Variants in PARS2 observed in about 807,000 individuals in gnomAD.
PARS2 encodes prolyl-tRNA synthetase 2, mitochondrial.
A neutral mutation model predicts 27.4 loss-of-function variants in PARS2; 20 were observed. That is an observed-to-expected ratio of 0.73 (90% CI 0.51 to 1.06). PARS2 has a LOEUF of 1.06. PARS2 is among the 50% of genes least tolerant of loss of function. The pLI is 0.00. For synonymous variants in PARS2, 240 were observed against 247.1 expected, an observed-to-expected ratio of 0.97 and a Z score of 0.27; for missense variants, 585 against 602.1, an observed-to-expected ratio of 0.97 and a Z score of 0.30.
Position 54,759,188 on chromosome 1 carries a change from C to T in PARS2, c.-27G>A, listed in dbSNP as rs370804706. The T allele has an allele frequency of 8.9e-5, 136 of 1,530,534 alleles. No homozygotes were observed. In the African/African-American group the frequency reaches 1.5e-3, roughly 17 times the overall value. 94.8% of individuals were successfully genotyped at this position (1,530,534 alleles called of 1,614,324 possible). A position where few individuals can be genotyped will look rare whatever the true frequency, so the allele number is the denominator to read the frequency against. On this transcript the variant is annotated splice_region_variant and 5_prime_UTR_variant, in exon 2 of 2. Transcript: ENST00000371279. ...ACACCCTGGCACCGGGAAGCACAGGCACCTGAGGAAAAATGAGTTGTGTGA... is the reference window on the plus strand; with the variant it reads ...ACACCCTGGCACCGGGAAGCACAGGTACCTGAGGAAAAATGAGTTGTGTGA...
rs777068604 is a variant in PARS2, at chr1:54,758,764, C to T, written c.398G>A (p.Arg133Gln). 1.7e-5 allele frequency: 28 copies of T among 1,614,180 alleles called. No individual in the cohort carries two copies. The highest frequency in any genetic ancestry group is 5.0e-5 in the Admixed American group (3 of 60,014). ...CAGCTCTTTGCCCATCAAGTCCCAC[C>T]GGTTGGTGGCTTGCCAGAGCTCTGC... is the stretch of plus-strand genomic sequence containing the variant. ...SPAELWQATN[R>Q]WDLMGKELLR... The change falls in exon 2 of 2, where the codon CGG becomes CAG. Residue 133 changes from arginine (R) to glutamine (Q), a missense_variant. Transcript: ENST00000371279.
intron 1 of PARS2, among the ~76,000 whole-genome samples, chr1:54,763,901 T>C (rs994097017): frequency 6.6e-6 from 1 of 152,244 alleles, no homozygotes; most frequent in African/African-American, 2.4e-5. Flanking sequence ...TTATTATTAT[T>C]ATGCCCAACT....
In PARS2 at chr1:54,758,645, A is replaced by AGG; in HGVS notation, c.516_517insCC (p.Ser173ProfsTer13). 6.2e-7 allele frequency: 1 copy of AGG among 1,614,138 alleles called. No homozygotes were observed. Among genetic ancestry groups the AGG allele is most frequent in the Non-Finnish European group, 8.5e-7 (1 of 1,180,012 alleles). Reference sequence around the variant, plus strand: ...AGCAGGAAGGGAAGCTGCTTGTAGGACAGTTTCTTCTGGGAGGCAATTAAG... The same window carrying AGG: ...AGCAGGAAGGGAAGCTGCTTGTAGGAGGCAGTTTCTTCTGGGAGGCAATTAAG... On this transcript the variant is annotated frameshift_variant, in exon 2 of 2. Coordinates refer to ENST00000371279, the MANE Select transcript of PARS2 (RefSeq NM_152268.4). LOFTEE classifies it high-confidence loss of function.
Position 54,758,873 on chromosome 1 carries a change from C to T in PARS2, c.289G>A (p.Ala97Thr). The T allele has an allele frequency of 6.2e-7, 1 of 1,614,216 alleles. No individual in the cohort carries two copies. Among genetic ancestry groups the T allele is most frequent in the Non-Finnish European group, 8.5e-7 (1 of 1,180,042 alleles). The change falls in exon 2 of 2, where the codon GCC (alanine) becomes ACC (threonine). Residue 97 changes from alanine to threonine, a missense_variant. Transcript: ENST00000371279. ...ATCACTCGCACGAGCTTCTCCATGGCACGGACGGTATATGGCAGGAGGTGG... is the reference window on the plus strand; with the variant it reads ...ATCACTCGCACGAGCTTCTCCATGGTACGGACGGTATATGGCAGGAGGTGG... The part of the protein sequence containing the change: ...CYHLLPYTVR[A>T]MEKLVRVIDQ...
In PARS2 at chr1:54,760,379, G is replaced by A. The variant is rs140550983; in HGVS notation, c.-29-1189C>T. Among the ~76,000 whole-genome samples, 555 of 152,276 alleles carry A rather than the reference G, an allele frequency of 3.6e-3. 6 individuals carry two copies. Among genetic ancestry groups the A allele is most frequent in the African/African-American group, 0.013 (537 of 41,568 alleles). The stretch of plus-strand genomic sequence containing the variant: ...TGCACTTTGCCCAAACCAGAATGTG[G>A]GGTTCGCCTGCTCTGCTCCTCTCTG... On this transcript the variant is annotated intron_variant, in intron 1 of 1. Transcript: ENST00000371279.
rs2101404361 is a variant in PARS2 at position 54,757,061 on chromosome 1, A to G, written c.*673T>C. 1 of 152,310 alleles carries G rather than the reference A, an allele frequency of 6.6e-6. No homozygotes were observed. Among genetic ancestry groups the G allele is most frequent in the South Asian group, 2.1e-4 (1 of 4,826 alleles). The allele number at this position is 152,310 out of a possible 1,614,324, so 9.4% of individuals were successfully genotyped here. On this transcript the variant is annotated 3_prime_UTR_variant, in exon 2 of 2. Transcript: ENST00000371279. ...TGAGAGGAATCAGACTGCCTGTCAC[A>G]CACCTCTCATGGAACCCCCTAGTGA... is the stretch of plus-strand genomic sequence containing the variant.
At chr1:54,760,577 T>C (rs1420749236) in intron 1 of PARS2, among the ~76,000 whole-genome samples, 1 of 152,060 alleles carries the variant, frequency 6.6e-6, no homozygotes, top group Non-Finnish European at 1.5e-5. Flanking sequence ...CTGCCCTCCT[T>C]CAATCCATTC....
At chr1:54,760,930 C>A (rs1166320597) in intron 1 of PARS2, among the ~76,000 whole-genome samples, 1 of 152,194 alleles carries the variant, frequency 6.6e-6, no homozygotes, top group Admixed American at 6.5e-5. Flanking sequence ...AGGCACCCGC[C>A]ACCATGCCCG....
At position 54,758,933 on chromosome 1, in the gene PARS2, C is replaced by G. The variant is rs930249874; in HGVS notation, c.229G>C (p.Val77Leu). ...TCKSQRLMLQ[V>L]GLIYPASPGC... ...GGGCTTGCTGGGTAGATCAGGCCCA[C>G]CTGCAGCATCAGCCGCTGGCTCTTA... Residue 77 changes from valine (V) to leucine (L), a missense_variant, in exon 2 of 2, where the codon GTG becomes CTG. Val to Leu is a conservative substitution (Grantham distance 32). Coordinates refer to ENST00000371279, the MANE Select transcript of PARS2 (RefSeq NM_152268.4). 6.2e-7 allele frequency: 1 copy of G among 1,614,074 alleles called. No homozygotes were observed. The highest frequency in any genetic ancestry group is 1.1e-5 in the South Asian group (1 of 91,074).
chr1:54,763,959 C>T lies in PARS2; in HGVS notation c.-30+502G>A, dbSNP rs140931325. Among the ~76,000 whole-genome samples, 19 of 152,358 alleles carry T rather than the reference C, an allele frequency of 1.2e-4. No homozygotes were observed. The East Asian group carries it at 3.5e-3, about 28-fold the overall frequency. On this transcript the variant is annotated intron_variant, in intron 1 of 1. Coordinates refer to ENST00000371279, the MANE Select transcript of PARS2 (RefSeq NM_152268.4). ...ATAAAGTCACTTGTGTCAAGCCACA[C>T]AGCAAATAAGCGCAGGGTCGGGCCT...
At chr1:54,760,997 C>G (rs986101587) in intron 1 of PARS2, among the ~76,000 whole-genome samples, 3 of 152,176 alleles carry the variant, frequency 2.0e-5, no homozygotes, top group Non-Finnish European at 2.9e-5. Flanking sequence ...CCAGGATGGT[C>G]TCGACCTCCT....
intron 1 of PARS2, among the ~76,000 whole-genome samples, chr1:54,761,198 T>C (rs1466891949): frequency 2.6e-5 from 4 of 152,152 alleles, no homozygotes; most frequent in Non-Finnish European, 5.9e-5. Flanking sequence ...GAAGCCTTTC[T>C]TGTCCCACTC....
At chr1:54,759,227 C>A in intron 1 of PARS2, 37 bp from the exon 2 acceptor site, 1 of 1,329,646 alleles carries the variant, frequency 7.5e-7, no homozygotes, top group Non-Finnish European at 1.0e-6. Context: ...TGAGCCTCAT[C>A]CGTGTTCCAA....
Position 54,762,386 on chromosome 1 carries a change from C to T in PARS2, c.-30+2075G>A, listed in dbSNP as rs529412665. On this transcript the variant is annotated intron_variant, in intron 1 of 1. Coordinates refer to ENST00000371279, the MANE Select transcript of PARS2 (RefSeq NM_152268.4). ...ACTCCTTGACCTCAAGTGATCAGCC[C>T]GCCACGGCCTCCCAAAGTGCTGGGA... Among the ~76,000 whole-genome samples, 87 of 152,150 alleles carry T rather than the reference C, an allele frequency of 5.7e-4. No homozygotes were observed. The South Asian group carries it at 7.5e-3, about 13-fold the overall frequency.
chr1:54,758,376 T>G lies in PARS2; in HGVS notation c.786A>C (p.Pro262=), dbSNP rs758573965. ...GGTVSHEFQL[P]VDIGEDRLAI... The stretch of plus-strand genomic sequence containing the variant: ...CAAGCCGGTCCTCTCCAATATCCAC[T>G]GGGAGCTGGAACTCATGAGACACTG... The change falls in exon 2 of 2, where the codon CCA becomes CCC. Residue 262 remains proline, a synonymous_variant. Coordinates refer to ENST00000371279, the MANE Select transcript of PARS2 (RefSeq NM_152268.4). 3 of 1,614,164 alleles carry G rather than the reference T, an allele frequency of 1.9e-6. No individual in the cohort carries two copies. In the Admixed American group the frequency reaches 5.0e-5, roughly 27 times the overall value.
intron 1 of PARS2, among the ~76,000 whole-genome samples, chr1:54,761,885 A>T (rs2101412285): frequency 6.6e-6 from 1 of 152,356 alleles, no homozygotes; most frequent in Admixed American, 6.5e-5. Context: ...GGCAAGGCAC[A>T]TGTGGATTCA....
At chr1:54,761,203 C>T (rs907201358) in intron 1 of PARS2, among the ~76,000 whole-genome samples, 2 of 152,088 alleles carry the variant, frequency 1.3e-5, no homozygotes, top group African/African-American at 2.4e-5. Context: ...CTTTCTTGTC[C>T]CACTCCCCAT....
At position 54,758,526 on chromosome 1, in the gene PARS2, A is replaced by G. The variant is rs1396276886; in HGVS notation, c.636T>C (p.Phe212=). The G allele has an allele frequency of 1.9e-6, 3 of 1,614,192 alleles. No individual in the cohort carries two copies. The highest frequency in any genetic ancestry group is 2.5e-6 in the Non-Finnish European group (3 of 1,180,050). The change falls in exon 2 of 2, where the codon TTT becomes TTC. Residue 212 remains phenylalanine, a synonymous_variant. Transcript: ENST00000371279. ...REFYMKDMYT[F]DSSPEAAQQT... Reference sequence around the variant, plus strand: ...GCTGGGCAGCCTCTGGGGAGGAGTCAAAGGTGTACATATCCTTCATGTAAA... The same window carrying G: ...GCTGGGCAGCCTCTGGGGAGGAGTCGAAGGTGTACATATCCTTCATGTAAA...
At position 54,758,687 on chromosome 1, in the gene PARS2, C is replaced by T. The variant is rs756056413; in HGVS notation, c.475G>A (p.Glu159Lys). 1.7e-5 allele frequency: 27 copies of T among 1,614,074 alleles called. No homozygotes were observed. Among genetic ancestry groups the T allele is most frequent in the South Asian group, 2.2e-5 (2 of 91,078 alleles). ...GKEYCLGPTHEEAITALIASQ... is the reference protein window; with the variant it reads ...GKEYCLGPTHKEAITALIASQ... ...GCAATTAAGGCCGTAATGGCTTCCTCGTGAGTTGGTCCTAAGCAGTATTCC... is the reference window on the plus strand; with the variant it reads ...GCAATTAAGGCCGTAATGGCTTCCTTGTGAGTTGGTCCTAAGCAGTATTCC... The change falls in exon 2 of 2, where the codon GAG (glutamate) becomes AAG (lysine). Residue 159 changes from glutamate to lysine, a missense_variant. Coordinates refer to ENST00000371279, the MANE Select transcript of PARS2 (RefSeq NM_152268.4).
Sources: allele counts gnomAD v4.1 joint callset (sites outside exome capture counted in the v4.1 genomes callset), GRCh38; gene constraint gnomAD v4.1.1; transcripts MANE v1.5; gene names NCBI Gene and HGNC (gene_info 2026-07-23, HGNC 2026-07-21).